The following FECH variants were observed in gnomAD, a reference collection of about 807,000 sequenced individuals.
FECH encodes the protein ferrochelatase, mitochondrial.
In FECH, 40 loss-of-function variants were observed where a neutral mutation model predicts 56.9. The observed-to-expected ratio is 0.70, with a 90% CI of 0.55 to 0.92. The LOEUF (loss-of-function observed/expected upper bound fraction) is 0.92. Ranked by LOEUF, FECH falls within the 40% of genes least tolerant of loss-of-function variation. The pLI is 0.00. For synonymous variants in FECH, 175 were observed against 198.6 expected (o/e 0.88, Z 1.00); for missense variants, 431 against 529.1 (o/e 0.81, Z 1.82).
At chr18:57,582,695 C>T (rs1382309299) in intron 1 of FECH, among the ~76,000 whole-genome samples, 2 of 150,054 alleles carry the variant, frequency 1.3e-5, no homozygotes, top group East Asian at 2.0e-4. Context: ...GGGTGGATCA[C>T]GAGGTCAGGA....
chr18:57,566,638 GAGTCAAC>G (rs1486313217), intron 4 of FECH, 57 bp from the exon 5 acceptor site: 1 of 1,601,862 alleles, frequency 6.2e-7, no homozygotes, highest in Admixed American at 1.7e-5. Context: ...AGATTCCTCA[GAGTCAAC>G]AAACATAATG....
At chr18:57,554,219 A>G in intron 9 of FECH, 41 bp downstream of exon 9, 1 of 1,613,170 alleles carries the variant, frequency 6.2e-7, no homozygotes, top group Non-Finnish European at 8.5e-7. Flanking sequence ...TTTCCTTTTA[A>G]AACAAGTCAT....
chr18:57,584,568 C>T (rs1016407284), intron 1 of FECH, among the ~76,000 whole-genome samples: 9 of 151,586 alleles, frequency 5.9e-5, no homozygotes, highest in African/African-American at 9.7e-5. Context: ...GGGTGGGGGG[C>T]GAGATACACA....
At chr18:57,580,281 A>C in intron 1 of FECH, 82 bp from the exon 2 acceptor site, 1 of 1,550,628 alleles carries the variant, frequency 6.4e-7, no homozygotes, top group Non-Finnish European at 8.8e-7. Context: ...ATAATTCCTG[A>C]CTTTAAAATT....
At chr18:57,563,078 A>C in intron 5 of FECH, 98 bp from the exon 6 acceptor site, 10 of 920,108 alleles carry the variant, frequency 1.1e-5, no homozygotes, top group Non-Finnish European at 1.6e-5. Flanking sequence ...AAAGCAGGTA[A>C]CTGCTTCTTT....
intron 4 of FECH, among the ~76,000 whole-genome samples, chr18:57,569,143 A>T (rs113924265): frequency 2.0e-3 from 302 of 152,380 alleles, no homozygotes; most frequent in African/African-American, 7.0e-3. Context: ...AAGCAGTTAC[A>T]AGCTAAACAG....
Position 57,586,622 on chromosome 18 carries a change from G to A in FECH, c.-2C>T. The A allele has an allele frequency of 6.6e-7, 1 of 1,516,544 alleles. No homozygotes were observed. The highest frequency in any genetic ancestry group is 8.8e-7 in the Non-Finnish European group (1 of 1,138,690). The allele number at this position is 1,516,544 out of a possible 1,614,324, so 93.9% of individuals were successfully genotyped here. A position where few individuals can be genotyped will look rare whatever the true frequency, so the allele number is the denominator to read the frequency against. ...CATGTTTGCGCCGAGTGAACGCATTGCCTGGGCAGCCTCGGCCCGAGTCCG... is the reference window on the plus strand; with the variant it reads ...CATGTTTGCGCCGAGTGAACGCATTACCTGGGCAGCCTCGGCCCGAGTCCG... On this transcript the variant is annotated 5_prime_UTR_variant, in exon 1 of 11. Transcript: ENST00000262093.
intron 9 of FECH, 48 bp from the exon 10 acceptor site, chr18:57,551,422 TC>T: frequency 6.7e-7 from 1 of 1,488,358 alleles, no homozygotes; most frequent in African/African-American, 1.4e-5. Context: ...TATTTTATTT[TC>T]CTTTTTTTTT....
At position 57,562,856 on chromosome 18, in the gene FECH, T is replaced by A. The variant is rs773869155; in HGVS notation, c.705+18A>T. 1 of 1,601,936 alleles carries A rather than the reference T, an allele frequency of 6.2e-7. No individual in the cohort carries two copies. Among genetic ancestry groups the A allele is most frequent in the African/African-American group, 1.3e-5 (1 of 74,694 alleles). ...ACTAGATGCTGGGGTGACAGGCAGC[T>A]GGCAAGCACTGGCTTACCTGGATGA... On this transcript the variant is annotated intron_variant, in intron 6 of 10. Coordinates refer to ENST00000262093, the MANE Select transcript of FECH (RefSeq NM_000140.5).
intron 9 of FECH, among the ~76,000 whole-genome samples, chr18:57,553,171 G>T (rs941331447): frequency 6.7e-6 from 1 of 148,908 alleles, no homozygotes; most frequent in Non-Finnish European, 1.5e-5. Flanking sequence ...AATTAGCCAA[G>T]CTCATAGTGA....
At chr18:57,566,663 C>T (rs1376512729) in intron 4 of FECH, 82 bp from the exon 5 acceptor site, 2 of 1,528,102 alleles carry the variant, frequency 1.3e-6, no homozygotes, top group Non-Finnish European at 1.8e-6. Context: ...ATGCAATGCC[C>T]AGAACAAAGA....
At chr18:57,562,617 A>T (rs2050958686) in intron 6 of FECH, among the ~76,000 whole-genome samples, 1 of 152,196 alleles carries the variant, frequency 6.6e-6, no homozygotes, top group Admixed American at 6.5e-5. Context: ...GAAACACAAA[A>T]CTCAAAATAT....
At chr18:57,568,247 G>T (rs2051044423) in intron 4 of FECH, among the ~76,000 whole-genome samples, 1 of 152,170 alleles carries the variant, frequency 6.6e-6, no homozygotes, top group Admixed American at 6.5e-5. Flanking sequence ...AGTATCTGAA[G>T]GTTACGGTCT....
chr18:57,571,288 A>T, intron 4 of FECH, 104 bp downstream of exon 4: 2 of 1,185,384 alleles, frequency 1.7e-6, no homozygotes, highest in South Asian at 1.3e-5. Flanking sequence ...CCACAAATTG[A>T]GTTGCCAGTA....
rs2051383320 is a variant in FECH at position 57,586,678 on chromosome 18, C to T, written c.-58G>A. ...CTCCCGCGGCGGCGCGCCCAGGTGTCCGCCCAGCAGTGGCCGAGCCGGGTA... is the reference window on the plus strand; with the variant it reads ...CTCCCGCGGCGGCGCGCCCAGGTGTTCGCCCAGCAGTGGCCGAGCCGGGTA... On this transcript the variant is annotated 5_prime_UTR_variant, in exon 1 of 11. Transcript: ENST00000262093. 1 of 1,460,888 alleles carries T rather than the reference C, an allele frequency of 6.8e-7. No individual in the cohort carries two copies. The highest frequency in any genetic ancestry group is 2.9e-5 in the East Asian group (1 of 34,566). 90.5% of individuals were successfully genotyped at this position (1,460,888 alleles called of 1,614,324 possible).
At chr18:57,569,063 G>T (rs1788003) in intron 4 of FECH, among the ~76,000 whole-genome samples, 97,619 of 152,054 alleles carry the variant, frequency 0.64, 31,572 homozygotes, top group African/African-American at 0.68. Context: ...GAACCCATAC[G>T]CCTATCCACG....
At chr18:57,582,727 C>T (rs1475814059) in intron 1 of FECH, among the ~76,000 whole-genome samples, 1 of 144,604 alleles carries the variant, frequency 6.9e-6, no homozygotes, top group Non-Finnish European at 1.5e-5. Flanking sequence ...TCCTGGCTAA[C>T]ACGGTGAAAC....
In FECH at chr18:57,563,235, C is replaced by T. The variant is rs3817726; in HGVS notation, c.599-255G>A. Among the ~76,000 whole-genome samples, 88,936 of 151,934 alleles carry T rather than the reference C, an allele frequency of 0.59. 26,190 individuals carry two copies. The highest frequency in any genetic ancestry group is 0.62 in the Non-Finnish European group (42,229 of 67,978). On this transcript the variant is annotated intron_variant, in intron 5 of 10. Transcript: ENST00000262093. Reference sequence around the variant, plus strand: ...CAGTTCTAGTGAAAAACAAGATGGCCGTAAAGTTATGAAATATAAGCAGTC... The same window carrying T: ...CAGTTCTAGTGAAAAACAAGATGGCTGTAAAGTTATGAAATATAAGCAGTC...
intron 4 of FECH, among the ~76,000 whole-genome samples, chr18:57,570,431 G>A (rs753471384): frequency 6.6e-6 from 1 of 152,220 alleles, no homozygotes; most frequent in African/African-American, 2.4e-5. Context: ...TTGTTACTTT[G>A]TGCCATGGGA....
Sources: allele counts gnomAD v4.1 joint callset (sites outside exome capture counted in the v4.1 genomes callset), GRCh38; gene constraint gnomAD v4.1.1; transcripts MANE v1.5; gene names NCBI Gene and HGNC (gene_info 2026-07-23, HGNC 2026-07-21).